The following IPO11 variants were observed in gnomAD, a reference collection of about 807,000 sequenced individuals.
The protein encoded by IPO11 is importin 11, also known as importin-11.
A neutral mutation model predicts 143.2 loss-of-function variants in IPO11; 66 were observed. The observed-to-expected ratio is 0.46, with a 90% CI of 0.38 to 0.57. The LOEUF (loss-of-function observed/expected upper bound fraction) is 0.57, where lower values mean the gene tolerates loss of function less well. Among genes scored for constraint, IPO11 ranks in the 20% least tolerant of loss-of-function variants. The probability of loss-of-function intolerance (pLI) is 0.00; values close to 1 mark genes in which losing one functional copy is unlikely to be tolerated. For missense variants in IPO11, 1,026 were observed against 1,141.0 expected (o/e 0.90, Z 1.45); for synonymous variants, 385 against 377.8 (o/e 1.02, Z -0.22).
intron 1 of IPO11, chr5:62,419,008 A>G: frequency 6.4e-7 from 1 of 1,550,430 alleles, no homozygotes; most frequent in Non-Finnish European, 8.7e-7. Context: ...ATATGAACAA[A>G]CCTAGATGGT....
At chr5:62,477,950 A>G (rs1185444373) in intron 9 of IPO11, among the ~76,000 whole-genome samples, 1 of 152,230 alleles carries the variant, frequency 6.6e-6, no homozygotes, top group African/African-American at 2.4e-5. Context: ...AAAATAGAAT[A>G]AAGTTACTAT....
intron 27 of IPO11, among the ~76,000 whole-genome samples, chr5:62,590,702 C>T (rs145148801): frequency 6.8e-4 from 103 of 152,150 alleles, no homozygotes; most frequent in Non-Finnish European, 1.0e-3. Context: ...CCTTCTTGGA[C>T]GTTATAAAAG....
Position 62,475,342 on chromosome 5 carries a change from G to A in IPO11, c.757+878G>A, listed in dbSNP as rs146004882. Among the ~76,000 whole-genome samples the A allele has an allele frequency of 8.4e-3, 1,276 of 152,218 alleles. 24 individuals are homozygous for A. Among genetic ancestry groups the A allele is most frequent in the African/African-American group, 0.03 (1,237 of 41,552 alleles). On this transcript the variant is annotated intron_variant, in intron 8 of 29. Transcript: ENST00000325324. ...TGGAGACCAGCCTGGGCAACATGAC[G>A]AAACCCTGTCTCTACAAAAAATATT...
At chr5:62,624,355 A>G (rs1041443313) in intron 29 of IPO11, among the ~76,000 whole-genome samples, 1 of 152,134 alleles carries the variant, frequency 6.6e-6, no homozygotes, top group African/African-American at 2.4e-5. Flanking sequence ...TTTTTAGACT[A>G]TATAGGGTAA....
intron 29 of IPO11, among the ~76,000 whole-genome samples, chr5:62,602,655 C>T (rs984903890): frequency 6.6e-6 from 1 of 152,184 alleles, no homozygotes; most frequent in East Asian, 1.9e-4. Flanking sequence ...CATTACAGCA[C>T]GTTAGCTCTC....
At chr5:62,624,632 A>G (rs1746494741) in intron 29 of IPO11, among the ~76,000 whole-genome samples, 1 of 152,086 alleles carries the variant, frequency 6.6e-6, no homozygotes, top group Non-Finnish European at 1.5e-5. Context: ...TAGAATGTCT[A>G]ACGTCCTGGG....
intron 5 of IPO11, among the ~76,000 whole-genome samples, chr5:62,460,423 A>C (rs1745314506): frequency 6.6e-6 from 1 of 152,230 alleles, no homozygotes; most frequent in Non-Finnish European, 1.5e-5. Context: ...GGTTCAGGCT[A>C]AGCAGATTTG....
chr5:62,443,479 G>T (rs1303365222), intron 3 of IPO11, among the ~76,000 whole-genome samples: 1 of 151,270 alleles, frequency 6.6e-6, no homozygotes, highest in Non-Finnish European at 1.5e-5. Flanking sequence ...TGCTGAGTCA[G>T]TCATGTTGAA....
rs577846212 is a variant in IPO11 at position 62,616,696 on chromosome 5, G to A, written c.2764-10458G>A. On this transcript the variant is annotated intron_variant, in intron 29 of 29. Transcript: ENST00000325324. ...GGCTGTGCCCCTGCACTCCAGCCTG[G>A]GGCACAGGGTGAGACTCTGACTCAA... 2.5e-4 allele frequency among the ~76,000 whole-genome samples: 34 copies of A among 137,596 alleles called. No homozygotes were observed. The South Asian group carries it at 7.5e-3, about 30-fold the overall frequency. The allele number at this position is 137,596 out of a possible 152,430, so 90.3% of individuals were successfully genotyped here. A position where few individuals can be genotyped will look rare whatever the true frequency, so the allele number is the denominator to read the frequency against.
At chr5:62,571,226 A>G (rs1014416687) in intron 27 of IPO11, among the ~76,000 whole-genome samples, 3 of 152,022 alleles carry the variant, frequency 2.0e-5, no homozygotes, top group African/African-American at 7.2e-5. Flanking sequence ...TATTCTATCC[A>G]GAATACCAGA....
At chr5:62,493,866 C>G in intron 15 of IPO11, 132 bp from the exon 16 acceptor site, 1 of 845,596 alleles carries the variant, frequency 1.2e-6, no homozygotes, top group Non-Finnish European at 1.7e-6. Context: ...AGCACACCTG[C>G]TTTTAAGCTT....
At chr5:62,590,635 A>G (rs1744973179) in intron 27 of IPO11, among the ~76,000 whole-genome samples, 1 of 152,178 alleles carries the variant, frequency 6.6e-6, no homozygotes, top group Non-Finnish European at 1.5e-5. Flanking sequence ...TTTAGCTTAG[A>G]TAACTATTTT....
At chr5:62,552,236 T>A (rs1044888865) in intron 26 of IPO11, among the ~76,000 whole-genome samples, 2 of 152,166 alleles carry the variant, frequency 1.3e-5, no homozygotes, top group Non-Finnish European at 2.9e-5. Flanking sequence ...ACTTGACGAA[T>A]ATATCTACAA....
Position 62,515,417 on chromosome 5 carries a change from A to G in IPO11, c.1812A>G (p.Gln604=). ...GACCATATGTGGGATGTTTGGTACA[A>G]TATTTGCCCCTCCTTTGGAAGCAGA... The part of the protein sequence containing the change: ...QIRPYVGCLV[Q]YLPLLWKQSE... The change falls in exon 20 of 30, where the codon CAA becomes CAG. Residue 604 remains glutamine, a synonymous_variant. Transcript: ENST00000325324. The G allele has an allele frequency of 6.2e-7, 1 of 1,610,840 alleles. No homozygotes were observed. Among genetic ancestry groups the G allele is most frequent in the East Asian group, 2.2e-5 (1 of 44,654 alleles).
chr5:62,483,950 T>G, intron 10 of IPO11, 60 bp from the exon 11 acceptor site: 1 of 1,374,078 alleles, frequency 7.3e-7, no homozygotes, highest in Non-Finnish European at 1.0e-6. Flanking sequence ...TTAAGTTACA[T>G]AATCCAATGT....
intron 20 of IPO11, among the ~76,000 whole-genome samples, chr5:62,517,967 A>G (rs908954699): frequency 1.3e-5 from 2 of 152,098 alleles, no homozygotes; most frequent in Non-Finnish European, 2.9e-5. Flanking sequence ...TTGAGACTGT[A>G]GCTTAAAATA....
chr5:62,432,247 GA>G (rs1292972682), intron 1 of IPO11, among the ~76,000 whole-genome samples: 4 of 152,204 alleles, frequency 2.6e-5, no homozygotes, highest in Non-Finnish European at 1.5e-5. Flanking sequence ...TTGTGGACGT[GA>G]TAGAGGCTCA....
At position 62,548,561 on chromosome 5, in the gene IPO11, G is replaced by T. The variant is rs539659637; in HGVS notation, c.2251-1806G>T. Among the ~76,000 whole-genome samples the T allele has an allele frequency of 2.6e-4, 40 of 152,122 alleles. 1 individual carries two copies. The South Asian group carries it at 7.1e-3, about 27-fold the overall frequency. On this transcript the variant is annotated intron_variant, in intron 24 of 29. Transcript: ENST00000325324. ...ACACTCTCTTCGTTCTCCTGGATTG[G>T]GCATCAGTTGTCCAGATACTACAGA... is the stretch of plus-strand genomic sequence containing the variant.
At chr5:62,596,939 T>C (rs1745251472) in intron 28 of IPO11, among the ~76,000 whole-genome samples, 1 of 152,202 alleles carries the variant, frequency 6.6e-6, no homozygotes, top group Admixed American at 6.5e-5. Context: ...TTTCTGCTCC[T>C]TGGTGTGTCA....
Sources: gnomAD v4.1 joint callset for allele counts (sites outside exome capture counted in the v4.1 genomes callset) on GRCh38, gnomAD v4.1.1 for gene constraint, MANE v1.5 for transcripts, NCBI Gene and HGNC (gene_info 2026-07-23, HGNC 2026-07-21) for gene names.